Variants in INPP5F observed in about 807,000 individuals in gnomAD.
INPP5F encodes phosphatidylinositide 4-phosphatase SAC2.
In INPP5F, 97 loss-of-function variants were observed where a neutral mutation model predicts 137.2. The ratio of observed to expected loss-of-function variants is 0.71; its 90% confidence interval spans 0.60 to 0.84. The LOEUF (loss-of-function observed/expected upper bound fraction) is 0.84. INPP5F is among the 40% of genes least tolerant of loss of function. The pLI is 0.00. For synonymous variants in INPP5F, 504 were observed against 476.9 expected (o/e 1.06, Z -0.74); for missense variants, 1,271 against 1,371.9 (o/e 0.93, Z 1.16).
chr10:119,829,084 C>G lies in INPP5F; in HGVS notation c.*1304C>G, dbSNP rs1280102627. The G allele has an allele frequency of 6.7e-6, 1 of 149,578 alleles. No homozygotes were observed. Among genetic ancestry groups the G allele is most frequent in the Non-Finnish European group, 1.5e-5 (1 of 67,040 alleles). 9.3% of individuals were successfully genotyped at this position (149,578 alleles called of 1,614,324 possible). A position where few individuals can be genotyped will look rare whatever the true frequency, so the allele number is the denominator to read the frequency against. ...CACTTTTGTTATTTATTAGTGCTAT[C>G]TTTTTTTTTTACGTGTTAAATCTTG... is the stretch of plus-strand genomic sequence containing the variant. On this transcript the variant is annotated 3_prime_UTR_variant, in exon 20 of 20. Coordinates refer to ENST00000650623, the MANE Select transcript of INPP5F (RefSeq NM_014937.4).
intron 2 of INPP5F, among the ~76,000 whole-genome samples, chr10:119,780,704 A>AGATG (rs1271551173): frequency 6.6e-6 from 1 of 152,256 alleles, no homozygotes; most frequent in African/African-American, 2.4e-5. Flanking sequence ...TTTTTGGAAA[A>AGATG]GATGGTTGCA....
At chr10:119,770,860 TA>T (rs1849312808) in intron 2 of INPP5F, among the ~76,000 whole-genome samples, 1 of 152,214 alleles carries the variant, frequency 6.6e-6, no homozygotes. Flanking sequence ...TTTAGTTTTT[TA>T]TCCTCTTCTT....
At chr10:119,813,438 G>A (rs1338200629) in intron 15 of INPP5F, among the ~76,000 whole-genome samples, 1 of 152,004 alleles carries the variant, frequency 6.6e-6, no homozygotes, top group African/African-American at 2.4e-5. Flanking sequence ...TTTGAGTCCA[G>A]GAGTTTGAGA....
chr10:119,727,040 A>G (rs190734283), intron 1 of INPP5F, among the ~76,000 whole-genome samples: 4 of 152,332 alleles, frequency 2.6e-5, no homozygotes, highest in Non-Finnish European at 5.9e-5. Flanking sequence ...CTGTTCGGAG[A>G]GGCTTAAGTC....
intron 9 of INPP5F, among the ~76,000 whole-genome samples, chr10:119,803,003 T>C (rs1471485005): frequency 6.6e-6 from 1 of 152,236 alleles, no homozygotes; most frequent in African/African-American, 2.4e-5. Context: ...CTCATGTTTA[T>C]TAGCTATTTG....
intron 1 of INPP5F, among the ~76,000 whole-genome samples, chr10:119,729,212 C>T (rs1348647050): frequency 6.6e-6 from 1 of 152,034 alleles, no homozygotes; most frequent in Non-Finnish European, 1.5e-5. Context: ...GTGGCGTGTT[C>T]TCGGCTCACT....
chr10:119,827,301 C>T lies in INPP5F; in HGVS notation c.2920C>T (p.Leu974=). The part of the protein sequence containing the change: ...VQDAQNKVTH[L]SETRSVSQQA... ...AGATGCACAGAACAAAGTGACCCACCTATCAGAGACCAGATCTGTGTCTCA... is the reference window on the plus strand; with the variant it reads ...AGATGCACAGAACAAAGTGACCCACTTATCAGAGACCAGATCTGTGTCTCA... The change falls in exon 20 of 20, where the codon CTA becomes TTA. Residue 974 remains leucine (L), a synonymous_variant. Transcript: ENST00000650623. 3.7e-6 allele frequency: 6 copies of T among 1,614,134 alleles called. No individual in the cohort carries two copies. The South Asian group carries it at 5.5e-5, about 15-fold the overall frequency.
At chr10:119,735,640 G>GT (rs1848196172) in intron 1 of INPP5F, among the ~76,000 whole-genome samples, 3 of 152,184 alleles carry the variant, frequency 2.0e-5, no homozygotes, top group Admixed American at 2.0e-4. Context: ...GGGAGCAACT[G>GT]TGGTGGGTGG....
At position 119,811,974 on chromosome 10, in the gene INPP5F, C is replaced by T; in HGVS notation, c.1886+19C>T. The T allele has an allele frequency of 6.3e-7, 1 of 1,598,830 alleles. No individual in the cohort carries two copies. Among genetic ancestry groups the T allele is most frequent in the Non-Finnish European group, 8.6e-7 (1 of 1,166,608 alleles). ...ACCCTAGGTGAGTTGGAGTGGTGTC[C>T]AGGTGACCAGCTTGCTTAACTGATG... is the stretch of plus-strand genomic sequence containing the variant. On this transcript the variant is annotated intron_variant, in intron 15 of 19. Transcript: ENST00000650623.
At chr10:119,823,648 A>G (rs1851648055) in intron 18 of INPP5F, among the ~76,000 whole-genome samples, 167 bp from the exon 19 acceptor site, 1 of 152,208 alleles carries the variant, frequency 6.6e-6, no homozygotes, top group Non-Finnish European at 1.5e-5. Flanking sequence ...TTGTGAATTA[A>G]GTGGGGGAGA....
intron 14 of INPP5F, among the ~76,000 whole-genome samples, chr10:119,810,474 G>A (rs1374439927): frequency 6.6e-6 from 1 of 152,124 alleles, no homozygotes; most frequent in African/African-American, 2.4e-5. Flanking sequence ...AGAAAGCAGG[G>A]TTTGAAGCTC....
At chr10:119,726,800 G>C (rs1310843889) in intron 1 of INPP5F, among the ~76,000 whole-genome samples, 1 of 152,250 alleles carries the variant, frequency 6.6e-6, no homozygotes, top group Non-Finnish European at 1.5e-5. Flanking sequence ...CTAGGGCTCT[G>C]CTGGACACTC....
chr10:119,796,421 C>T (rs761318671), intron 6 of INPP5F, among the ~76,000 whole-genome samples: 7 of 152,148 alleles, frequency 4.6e-5, no homozygotes, highest in Non-Finnish European at 7.3e-5. Flanking sequence ...GTTACTATTT[C>T]ACGGAGAAGG....
intron 1 of INPP5F, among the ~76,000 whole-genome samples, chr10:119,738,855 G>C (rs529365142): frequency 5.1e-4 from 78 of 152,084 alleles, no homozygotes; most frequent in Middle Eastern, 3.4e-3. Flanking sequence ...ACCTGCTAGA[G>C]TTTTCAAGAT....
chr10:119,768,515 C>T (rs1355332110), intron 2 of INPP5F: 1 of 152,176 alleles, frequency 6.6e-6, no homozygotes, highest in Non-Finnish European at 1.5e-5. Flanking sequence ...GCACTCCAGC[C>T]TGGCCAATAT....
At chr10:119,822,881 T>C (rs1305646265) in intron 17 of INPP5F, among the ~76,000 whole-genome samples, 190 bp from the exon 18 acceptor site, 1 of 152,216 alleles carries the variant, frequency 6.6e-6, no homozygotes, top group East Asian at 1.9e-4. Flanking sequence ...ACCCCAGGGA[T>C]CAAGAAAGCT....
At chr10:119,825,905 T>C (rs1851739026) in intron 19 of INPP5F, 2 of 398,304 alleles carry the variant, frequency 5.0e-6, no homozygotes, top group Admixed American at 8.8e-5. Flanking sequence ...ATGCACACAC[T>C]GAGACATTTG....
chr10:119,791,551 C>T lies in INPP5F; in HGVS notation c.350C>T (p.Pro117Leu). 6.2e-7 allele frequency: 1 copy of T among 1,602,662 alleles called. No individual in the cohort carries two copies. Among genetic ancestry groups the T allele is most frequent in the East Asian group, 2.2e-5 (1 of 44,766 alleles). Reference protein sequence around the residue: ...CKKHHFGINKPEKIIPSPDDS... With the variant: ...CKKHHFGINKLEKIIPSPDDS... ...AAGCATCATTTTGGTATTAACAAAC[C>T]AGAGAAGATCATACCATCTCCTGAT... Residue 117 changes from proline (P) to leucine (L), a missense_variant, in exon 4 of 20, where the codon CCA becomes CTA. Physicochemically the swap from Pro to Leu is moderately conservative, Grantham distance 98 (BLOSUM62 -3). This residue lies in a region of INPP5F where 62 missense variants were observed against 55.0 expected (regional missense o/e 1.13). Coordinates refer to ENST00000650623, the MANE Select transcript of INPP5F (RefSeq NM_014937.4).
In INPP5F at chr10:119,781,606, C is replaced by T. The variant is rs770227213; in HGVS notation, c.179-29C>T. 1.5e-5 allele frequency: 24 copies of T among 1,575,672 alleles called. No homozygotes were observed. In the East Asian group the frequency reaches 2.5e-4, roughly 16 times the overall value. On this transcript the variant is annotated intron_variant, in intron 2 of 19. Transcript: ENST00000650623. ...CAGAACAGTAGCACTCTAAAAACGC[C>T]AGACTTTATTATGACTCTCCTCTTT...
Sources: allele counts gnomAD v4.1 joint callset (sites outside exome capture counted in the v4.1 genomes callset), GRCh38; gene constraint gnomAD v4.1.1; regional missense constraint gnomAD v4.1.1; transcripts MANE v1.5; gene names NCBI Gene and HGNC (gene_info 2026-07-23, HGNC 2026-07-21).